Variants in ZNF521 observed in about 807,000 individuals in gnomAD.
The protein encoded by ZNF521 is zinc finger protein 521, also known as LYST-interacting protein 3.
A neutral mutation model predicts 105.5 loss-of-function variants in ZNF521; 14 were observed. The ratio of observed to expected loss-of-function variants is 0.13; its 90% CI spans 0.09 to 0.21. The LOEUF (loss-of-function observed/expected upper bound fraction) is 0.21. ZNF521 is among the 10% of genes least tolerant of loss of function. The pLI is 1.00. For missense variants in ZNF521, 1,233 were observed against 1,629.7 expected (o/e 0.76, Z 4.19); for synonymous variants, 635 against 606.0 (o/e 1.05, Z -0.70).
chr18:25,320,035 G>A (rs1912853217), intron 3 of ZNF521, among the ~76,000 whole-genome samples: 1 of 152,178 alleles, frequency 6.6e-6, no homozygotes, highest in African/African-American at 2.4e-5. Flanking sequence ...AGGTAAAAGA[G>A]ATGACAGTTA....
Position 25,309,760 on chromosome 18 carries a change from T to C in ZNF521, c.220+12248A>G, listed in dbSNP as rs182857418. ...AGAGTCTGTCAACCTGATAATTTAA[T>C]TATGAGGGGGAACAGTTTTATAAAA... On this transcript the variant is annotated intron_variant, in intron 3 of 7. Coordinates refer to ENST00000361524, the MANE Select transcript of ZNF521 (RefSeq NM_015461.3). Among the ~76,000 whole-genome samples the C allele has an allele frequency of 2.6e-5, 4 of 152,266 alleles. No homozygotes were observed. The East Asian group carries it at 5.8e-4, about 22-fold the overall frequency.
At chr18:25,332,891 T>C (rs1274305774) in intron 2 of ZNF521, among the ~76,000 whole-genome samples, 2 of 152,238 alleles carry the variant, frequency 1.3e-5, no homozygotes, top group African/African-American at 2.4e-5. Context: ...GCTACCCAGA[T>C]AGAACTAAAA....
intron 7 of ZNF521, 40 bp downstream of exon 7, chr18:25,089,425 C>A (rs2033697671): frequency 6.9e-7 from 1 of 1,450,158 alleles, no homozygotes; most frequent in Non-Finnish European, 9.7e-7. Flanking sequence ...ATAAGAATAG[C>A]AACTGAGTTC....
At chr18:25,306,854 G>GAAAAA (rs11445167) in intron 3 of ZNF521, among the ~76,000 whole-genome samples, 3 of 145,500 alleles carry the variant, frequency 2.1e-5, no homozygotes, top group Non-Finnish European at 1.5e-5. Flanking sequence ...CACAATTCAA[G>GAAAAA]AAAAAAAAAA....
intron 7 of ZNF521, among the ~76,000 whole-genome samples, chr18:25,076,566 C>CT: frequency 6.6e-6 from 1 of 152,252 alleles, no homozygotes; most frequent in Non-Finnish European, 1.5e-5. Context: ...AGTTTGTATT[C>CT]TTTTTTCTCT....
chr18:25,083,738 T>C (rs967521471), intron 7 of ZNF521, among the ~76,000 whole-genome samples: 4 of 129,102 alleles, frequency 3.1e-5, no homozygotes, highest in Middle Eastern at 3.7e-3. Flanking sequence ...TGGAATTATA[T>C]ATTTACATAT....
chr18:25,321,657 T>C (rs1023199339), intron 3 of ZNF521, among the ~76,000 whole-genome samples: 7 of 152,216 alleles, frequency 4.6e-5, no homozygotes, highest in African/African-American at 7.2e-5. Flanking sequence ...TAAGCTAACA[T>C]GTTCATTTCT....
chr18:25,082,618 C>G, intron 7 of ZNF521: 1 of 432,654 alleles, frequency 2.3e-6, no homozygotes, highest in East Asian at 7.3e-5. Flanking sequence ...GGTGGATTGC[C>G]TGAGCTCAGG....
intron 5 of ZNF521, among the ~76,000 whole-genome samples, chr18:25,182,595 T>C (rs539397697): frequency 5.3e-5 from 8 of 152,338 alleles, no homozygotes; most frequent in Non-Finnish European, 1.0e-4. Flanking sequence ...TGAACATATA[T>C]GTGATATACG....
At chr18:25,205,481 G>T (rs2036064569) in intron 4 of ZNF521, among the ~76,000 whole-genome samples, 1 of 152,184 alleles carries the variant, frequency 6.6e-6, no homozygotes, top group African/African-American at 2.4e-5. Flanking sequence ...CTGATCATCT[G>T]ATTGTTTTCA....
At chr18:25,084,338 A>C (rs1179508493) in intron 7 of ZNF521, among the ~76,000 whole-genome samples, 1 of 150,834 alleles carries the variant, frequency 6.6e-6, no homozygotes, top group Non-Finnish European at 1.5e-5. Flanking sequence ...TATACGTCCC[A>C]TCCCATAGGC....
chr18:25,172,645 T>A (rs1428762286), intron 5 of ZNF521, among the ~76,000 whole-genome samples: 2 of 152,182 alleles, frequency 1.3e-5, no homozygotes, highest in Non-Finnish European at 2.9e-5. Context: ...CATTACTAAA[T>A]GCGTTTTAGA....
chr18:25,213,132 T>C (rs1310542180), intron 4 of ZNF521, among the ~76,000 whole-genome samples: 5 of 149,796 alleles, frequency 3.3e-5, no homozygotes. Flanking sequence ...AAAATTTCCC[T>C]GCAAATTACA....
intron 3 of ZNF521, among the ~76,000 whole-genome samples, chr18:25,270,052 G>C (rs1600236938): frequency 6.6e-6 from 1 of 152,004 alleles, no homozygotes; most frequent in Non-Finnish European, 1.5e-5. Flanking sequence ...TAATAAAAAA[G>C]AAAAGAGAGA....
intron 5 of ZNF521, among the ~76,000 whole-genome samples, chr18:25,194,557 T>C (rs8090290): frequency 0.53 from 80,632 of 151,390 alleles, 22,132 homozygotes; most frequent in East Asian, 0.71. Context: ...CCTGGAGTAA[T>C]TTCAGAAATC....
chr18:25,227,557 G>C lies in ZNF521; in HGVS notation c.361C>G (p.Gln121Glu). The change falls in exon 4 of 8, where the codon CAA becomes GAA. Residue 121 changes from glutamine to glutamate, a missense_variant. By Grantham distance (29) the Gln-to-Glu change is conservative (BLOSUM62 2). Transcript: ENST00000361524. The surrounding 1 kb of genome is among the most constrained non-coding windows in gnomAD (Gnocchi z 5.7). ...CGGCTAAACGACTTGTCACAGAATT[G>C]ACACGGGTATGGAAGCCCAGGGCCA... is the stretch of plus-strand genomic sequence containing the variant. ...EGGPGLPYPCQFCDKSFSRLS... is the reference protein window; with the variant it reads ...EGGPGLPYPCEFCDKSFSRLS... The C allele has an allele frequency of 6.2e-7, 1 of 1,614,150 alleles. No homozygotes were observed. The highest frequency in any genetic ancestry group is 1.3e-5 in the African/African-American group (1 of 75,046).
intron 7 of ZNF521, among the ~76,000 whole-genome samples, chr18:25,082,046 T>C (rs1278458399): frequency 2.0e-5 from 3 of 152,074 alleles, no homozygotes; most frequent in Non-Finnish European, 2.9e-5. Flanking sequence ...AATGATTCGG[T>C]TCCTGGAGAT....
chr18:25,251,895 G>T (rs75917406), intron 3 of ZNF521, among the ~76,000 whole-genome samples: 5,508 of 152,170 alleles, frequency 0.036, 341 homozygotes, highest in African/African-American at 0.13. Context: ...TTCAATGGGA[G>T]TTTACCATGT....
At chr18:25,200,678 A>G (rs1490624635) in intron 4 of ZNF521, among the ~76,000 whole-genome samples, 1 of 152,092 alleles carries the variant, frequency 6.6e-6, no homozygotes, top group Non-Finnish European at 1.5e-5. Context: ...CTTATGTTCT[A>G]ATCTAGATCA....
Sources: allele counts gnomAD v4.1 joint callset (sites outside exome capture counted in the v4.1 genomes callset), GRCh38; gene constraint gnomAD v4.1.1; non-coding constraint Gnocchi (gnomAD v3.1); transcripts MANE v1.5; gene names NCBI Gene and HGNC (gene_info 2026-07-23, HGNC 2026-07-21).